CDH13: variants seen among roughly 807,000 people sequenced by gnomAD.
The protein encoded by CDH13 is cadherin-13.
In CDH13, 24 loss-of-function variants were observed where a neutral mutation model predicts 63.8. The ratio of observed to expected loss-of-function variants is 0.38; its 90% CI spans 0.27 to 0.53. CDH13 has a LOEUF of 0.53. Among genes scored for constraint, CDH13 ranks in the 20% least tolerant of loss-of-function variants. The probability of loss-of-function intolerance (pLI) is 0.85; values close to 1 mark genes in which losing one functional copy is unlikely to be tolerated. For missense variants in CDH13, 1,049 were observed against 903.1 expected (o/e 1.16, Z -2.07); for synonymous variants, 503 against 355.3 (o/e 1.42, Z -4.67).
chr16:83,232,370 C>A (rs1233386240), intron 5 of CDH13, among the ~76,000 whole-genome samples: 1 of 151,518 alleles, frequency 6.6e-6, no homozygotes, highest in African/African-American at 2.4e-5. Flanking sequence ...ACTAAAAAAA[C>A]AAAAATTAGC....
chr16:83,798,478 T>G lies in CDH13; in HGVS notation c.*3448T>G, dbSNP rs934188857. 2 of 152,204 alleles carry G rather than the reference T, an allele frequency of 1.3e-5. No homozygotes were observed. Among genetic ancestry groups the G allele is most frequent in the Non-Finnish European group, 2.9e-5 (2 of 68,050 alleles). The allele number at this position is 152,204 out of a possible 1,614,324, so 9.4% of individuals were successfully genotyped here. The stretch of plus-strand genomic sequence containing the variant: ...TTACAGATAGTAACTCATTAATCCC[T>G]CCAGTAACATATGAGACAAGCACTA... On this transcript the variant is annotated 3_prime_UTR_variant, in exon 14 of 14. Transcript: ENST00000567109.
chr16:82,900,658 TGAACCAACGTCCCCGAGGA>T (rs1316325043), intron 2 of CDH13, among the ~76,000 whole-genome samples: 1 of 152,098 alleles, frequency 6.6e-6, no homozygotes, highest in Non-Finnish European at 1.5e-5. Flanking sequence ...GAGTAATTGA[TGAACCAACGTCCCCGAGGA>T]GACGGGAGGG....
At chr16:83,591,889 C>CT (rs1906791288) in intron 7 of CDH13, among the ~76,000 whole-genome samples, 2 of 152,212 alleles carry the variant, frequency 1.3e-5, no homozygotes, top group Non-Finnish European at 2.9e-5. Context: ...TCAATGACTA[C>CT]TTTTAATAGA....
chr16:83,598,114 A>G (rs565048486), intron 7 of CDH13, among the ~76,000 whole-genome samples: 9 of 152,288 alleles, frequency 5.9e-5, no homozygotes, highest in South Asian at 2.1e-4. Context: ...GCCTATAATC[A>G]CAGCACTTTG....
At chr16:83,553,509 G>C (rs556919591) in intron 7 of CDH13, among the ~76,000 whole-genome samples, 1 of 152,220 alleles carries the variant, frequency 6.6e-6, no homozygotes, top group East Asian at 1.9e-4. Context: ...ACTTTCATGA[G>C]CATTTTTATC....
intron 5 of CDH13, among the ~76,000 whole-genome samples, chr16:83,315,862 G>C (rs1241327208): frequency 2.6e-5 from 4 of 152,130 alleles, no homozygotes; most frequent in African/African-American, 9.7e-5. Context: ...AACTATGCTA[G>C]GTTCTAGTGT....
intron 7 of CDH13, among the ~76,000 whole-genome samples, chr16:83,569,155 T>G (rs1480025193): frequency 6.6e-6 from 1 of 152,082 alleles, no homozygotes; most frequent in Non-Finnish European, 1.5e-5. Flanking sequence ...CCTCTGTGCT[T>G]TGCACATGCT....
intron 5 of CDH13, among the ~76,000 whole-genome samples, chr16:83,339,410 G>C (rs1002528924): frequency 6.6e-6 from 1 of 152,020 alleles, no homozygotes; most frequent in Non-Finnish European, 1.5e-5. Context: ...GCCCTCTCTA[G>C]GAAAGGATAA....
chr16:83,739,114 C>T (rs1410180904), intron 10 of CDH13, among the ~76,000 whole-genome samples: 2 of 152,120 alleles, frequency 1.3e-5, no homozygotes, highest in African/African-American at 2.4e-5. Flanking sequence ...GGGGAGGGCT[C>T]CCACTCTCTT....
At chr16:82,975,677 G>A (rs1252127023) in intron 2 of CDH13, among the ~76,000 whole-genome samples, 1 of 152,124 alleles carries the variant, frequency 6.6e-6, no homozygotes, top group Non-Finnish European at 1.5e-5. Context: ...AAGAAAATTG[G>A]ATTTTTCTTG....
chr16:83,756,844 G>A (rs1327025623), intron 11 of CDH13, among the ~76,000 whole-genome samples: 1 of 152,174 alleles, frequency 6.6e-6, no homozygotes, highest in African/African-American at 2.4e-5. Context: ...CATTGTGGGA[G>A]TCTTAAAACA....
chr16:82,985,397 GGAAAA>G (rs1597358875), intron 2 of CDH13, among the ~76,000 whole-genome samples: 1 of 152,164 alleles, frequency 6.6e-6, no homozygotes, highest in Non-Finnish European at 1.5e-5. Flanking sequence ...TACTTTTGGA[GGAAAA>G]TAAAGTACCA....
intron 7 of CDH13, among the ~76,000 whole-genome samples, chr16:83,583,105 T>C (rs942091821): frequency 7.2e-5 from 11 of 152,148 alleles, no homozygotes; most frequent in Non-Finnish European, 1.6e-4. Context: ...CCCAGTTCCT[T>C]AGTTTCCAGC....
chr16:82,639,281 C>A, intron 1 of CDH13: 1 of 945,146 alleles, frequency 1.1e-6, no homozygotes, highest in South Asian at 1.8e-5. Context: ...CCTGTCTGGG[C>A]TACTGATTGC....
intron 3 of CDH13, among the ~76,000 whole-genome samples, chr16:83,118,207 G>T (rs2035400695): frequency 6.6e-6 from 1 of 152,182 alleles, no homozygotes; most frequent in Admixed American, 6.5e-5. Context: ...GGCGGCCCCA[G>T]AACCTCACTC....
At chr16:83,573,375 CA>C (rs1904821455) in intron 7 of CDH13, among the ~76,000 whole-genome samples, 1 of 152,016 alleles carries the variant, frequency 6.6e-6, no homozygotes, top group Non-Finnish European at 1.5e-5. Flanking sequence ...ATGGGTTCAG[CA>C]AAAAAACCGG....
At chr16:82,936,139 G>C (rs963046913) in intron 2 of CDH13, among the ~76,000 whole-genome samples, 1 of 152,136 alleles carries the variant, frequency 6.6e-6, no homozygotes, top group Non-Finnish European at 1.5e-5. Context: ...AGACGGAGCT[G>C]CCATCTTGAA....
chr16:82,871,582 C>A (rs1396700677), intron 2 of CDH13, among the ~76,000 whole-genome samples: 1 of 152,174 alleles, frequency 6.6e-6, no homozygotes, highest in Non-Finnish European at 1.5e-5. Flanking sequence ...GTTTTCCTCC[C>A]TGGACCTTTG....
intron 6 of CDH13, among the ~76,000 whole-genome samples, chr16:83,387,026 C>G (rs1327196325): frequency 6.6e-6 from 1 of 152,146 alleles, no homozygotes; most frequent in Non-Finnish European, 1.5e-5. Flanking sequence ...ATATGCCCAT[C>G]CTTAGTGACA....
Sources: gnomAD v4.1 joint callset for allele counts (sites outside exome capture counted in the v4.1 genomes callset) on GRCh38, gnomAD v4.1.1 for gene constraint, MANE v1.5 for transcripts, NCBI Gene and HGNC (gene_info 2026-07-23, HGNC 2026-07-21) for gene names.